The following GPM6A variants were observed in gnomAD, a reference collection of about 807,000 sequenced individuals.
GPM6A encodes glycoprotein M6A, also known as neuronal membrane glycoprotein M6-a.
Under a neutral mutation model 32.1 loss-of-function variants are expected in GPM6A, and 7 were observed. The ratio of observed to expected loss-of-function variants is 0.22; its 90% confidence interval spans 0.12 to 0.41. GPM6A has a LOEUF of 0.41. Among genes scored for constraint, GPM6A ranks in the 10% least tolerant of loss-of-function variants. The probability of loss-of-function intolerance (pLI) is 1.00; values close to 1 mark genes in which losing one functional copy is unlikely to be tolerated. For missense variants in GPM6A, 235 were observed against 347.2 expected, an observed-to-expected ratio of 0.68 and a Z score of 2.57; for synonymous variants, 130 against 123.4, an observed-to-expected ratio of 1.05 and a Z score of -0.35.
At chr4:175,815,135 C>T (rs1294213824), upstream of GPM6A, among the ~76,000 whole-genome samples, 5 of 152,194 alleles carry the variant, frequency 3.3e-5, no homozygotes, top group African/African-American at 9.6e-5. Context: ...CTCAGCCTCC[C>T]GAGTAGCTGG....
chr4:175,785,455 T>C (rs1173031341), intron 1 of GPM6A, among the ~76,000 whole-genome samples: 1 of 152,198 alleles, frequency 6.6e-6, no homozygotes, highest in African/African-American at 2.4e-5. Flanking sequence ...TATTTTGTTA[T>C]GCATCATGCC....
chr4:175,978,772 T>C lies in GPM6A; in HGVS notation c.-23+23537A>G, dbSNP rs945639952. On this transcript the variant is annotated intron_variant, in intron 1 of 7. Transcript: ENST00000280187. ...AGTTTTAATCTGAATCAACTGAAAC[T>C]CTATCTCAATAGGTAAGCCAAATAG... Among the ~76,000 whole-genome samples the C allele has an allele frequency of 5.3e-5, 8 of 152,288 alleles. No homozygotes were observed. In the East Asian group the frequency reaches 9.6e-4, roughly 18 times the overall value.
At chr4:175,681,384 A>G (rs1234103366) in intron 2 of GPM6A, among the ~76,000 whole-genome samples, 1 of 152,194 alleles carries the variant, frequency 6.6e-6, no homozygotes, top group Non-Finnish European at 1.5e-5. Context: ...GGCACTATAT[A>G]TCTTTTTATG....
At chr4:175,928,901 G>C (rs1400756701) in intron 1 of GPM6A, among the ~76,000 whole-genome samples, 3 of 152,156 alleles carry the variant, frequency 2.0e-5, no homozygotes, top group Non-Finnish European at 4.4e-5. Flanking sequence ...GAAAAGACTT[G>C]GTTATATTCT....
chr4:175,755,198 GAAT>G (rs1732481898), intron 1 of GPM6A, among the ~76,000 whole-genome samples: 1 of 151,876 alleles, frequency 6.6e-6, no homozygotes, highest in African/African-American at 2.4e-5. Context: ...AGAAAAAAGA[GAAT>G]AATAATAATG....
At chr4:175,641,159 TAAC>T (rs1386455173) in intron 4 of GPM6A, 12 of 283,806 alleles carry the variant, frequency 4.2e-5, no homozygotes, top group African/African-American at 2.7e-4. Context: ...ATTATTTTGT[TAAC>T]TATGCCCCAG....
At chr4:175,694,805 T>C (rs1442595940) in intron 2 of GPM6A, among the ~76,000 whole-genome samples, 4 of 151,592 alleles carry the variant, frequency 2.6e-5, no homozygotes, top group Middle Eastern at 6.8e-3. Context: ...CAATGGGGAA[T>C]AGGCCTCAAA....
chr4:175,666,231 C>G (rs2110961708), intron 3 of GPM6A, among the ~76,000 whole-genome samples: 1 of 152,172 alleles, frequency 6.6e-6, no homozygotes, highest in African/African-American at 2.4e-5. Context: ...GAGAAATGTA[C>G]TTTTGACCCG....
intron 1 of GPM6A, among the ~76,000 whole-genome samples, chr4:175,849,392 T>C (rs1736184003): frequency 6.6e-6 from 1 of 152,150 alleles, no homozygotes; most frequent in Admixed American, 6.5e-5. Flanking sequence ...TGCAGTATCG[T>C]AGAGGTTTAG....
intron 1 of GPM6A, among the ~76,000 whole-genome samples, chr4:175,834,519 T>A (rs1735706379): frequency 6.6e-6 from 1 of 152,214 alleles, no homozygotes; most frequent in Non-Finnish European, 1.5e-5. Context: ...TTGTATTGAA[T>A]GTGTGCTGTA....
chr4:175,697,805 T>C (rs1560881636), intron 2 of GPM6A, among the ~76,000 whole-genome samples: 1 of 152,202 alleles, frequency 6.6e-6, no homozygotes, highest in Non-Finnish European at 1.5e-5. Flanking sequence ...TAATGGGTGA[T>C]ATCAGCTAAG....
intron 1 of GPM6A, among the ~76,000 whole-genome samples, chr4:175,823,894 G>A (rs949595705): frequency 2.0e-5 from 3 of 152,096 alleles, no homozygotes; most frequent in Admixed American, 1.3e-4. Context: ...TAAAAAGGCT[G>A]GGAGCCTGGA....
chr4:175,908,983 C>T (rs1197396189), intron 1 of GPM6A, among the ~76,000 whole-genome samples: 1 of 128,084 alleles, frequency 7.8e-6, no homozygotes, highest in Non-Finnish European at 1.5e-5. Flanking sequence ...AACGAGGATG[C>T]TCCCTGTGTT....
intron 1 of GPM6A, among the ~76,000 whole-genome samples, chr4:175,762,352 C>T (rs1313304734): frequency 6.6e-6 from 1 of 152,166 alleles, no homozygotes; most frequent in South Asian, 2.1e-4. Flanking sequence ...ATGTTTGCCA[C>T]ATTTTTATTC....
intron 3 of GPM6A, among the ~76,000 whole-genome samples, chr4:175,655,730 T>A (rs79842986): frequency 0.017 from 2,569 of 152,166 alleles, 32 homozygotes; most frequent in Middle Eastern, 0.031. Context: ...ATAAAAGTAC[T>A]ACTGAACTTG....
chr4:175,669,415 G>A (rs1268870158), intron 3 of GPM6A, among the ~76,000 whole-genome samples: 1 of 151,944 alleles, frequency 6.6e-6, no homozygotes, highest in East Asian at 1.9e-4. Context: ...TTTTTTTTAG[G>A]TTTTGTAATA....
At chr4:175,639,206 A>T (rs1422771715) in intron 6 of GPM6A, among the ~76,000 whole-genome samples, 1 of 152,184 alleles carries the variant, frequency 6.6e-6, no homozygotes, top group African/African-American at 2.4e-5. Flanking sequence ...GAAATCAGTA[A>T]AATAACCACT....
rs142795759 is a variant in GPM6A at position 175,917,305 on chromosome 4, C to T, written c.-23+85004G>A. Among the ~76,000 whole-genome samples, 359 of 152,170 alleles carry T rather than the reference C, an allele frequency of 2.4e-3. 1 individual carries two copies. Among genetic ancestry groups the T allele is most frequent in the Non-Finnish European group, 4.1e-3 (281 of 68,000 alleles). On this transcript the variant is annotated intron_variant, in intron 1 of 7. Coordinates refer to the GPM6A transcript ENST00000280187. ...TAAGCATCCTGAAATTTCAGATGCT[C>T]TCCCCATTTTAACATTCCTTATAAG... is the stretch of plus-strand genomic sequence containing the variant.
chr4:175,899,270 A>G (rs1737882846), intron 1 of GPM6A, among the ~76,000 whole-genome samples: 1 of 152,246 alleles, frequency 6.6e-6, no homozygotes, highest in South Asian at 2.1e-4. Context: ...CATAAAGACA[A>G]TATAAAATAG....
Sources: gnomAD v4.1 joint callset for allele counts (sites outside exome capture counted in the v4.1 genomes callset) on GRCh38, gnomAD v4.1.1 for gene constraint, MANE v1.5 for transcripts, NCBI Gene and HGNC (gene_info 2026-07-23, HGNC 2026-07-21) for gene names.